BLTP1: variants seen among roughly 807,000 people sequenced by gnomAD.
BLTP1 encodes fragile site-associated protein.
the BLTP1 span, chr4:122,308,063 G>C: frequency 6.2e-7 from 1 of 1,613,440 alleles, no homozygotes; most frequent in Non-Finnish European, 8.5e-7. Context: ...ATGCTACCTG[G>C]TATCCAGCAA....
the BLTP1 span, chr4:122,346,987 C>A: frequency 1.3e-6 from 1 of 762,138 alleles, no homozygotes; most frequent in Non-Finnish European, 1.6e-6. Context: ...AGATTACATT[C>A]TGGCTGAATA....
chr4:122,210,778 A>T, the BLTP1 span: 1 of 1,401,072 alleles, frequency 7.1e-7, no homozygotes, highest in South Asian at 1.5e-5. Context: ...AGTTGATGTC[A>T]TATTTGCAAA....
At chr4:122,281,378 C>A in the BLTP1 span, 1 of 980,998 alleles carries the variant, frequency 1.0e-6, no homozygotes, top group African/African-American at 1.8e-5. Context: ...CATTGTTCAA[C>A]AGGTGTTTTA....
the BLTP1 span, among the ~76,000 whole-genome samples, chr4:122,358,462 C>T: frequency 7.6e-4 from 115 of 152,188 alleles, no homozygotes; most frequent in Non-Finnish European, 1.5e-3. Flanking sequence ...TAAGTTATTA[C>T]AAACAACAAG....
the BLTP1 span, among the ~76,000 whole-genome samples, chr4:122,323,405 T>C: frequency 3.9e-5 from 6 of 151,984 alleles, no homozygotes; most frequent in African/African-American, 1.2e-4. Context: ...AAAAAGTAAT[T>C]GGTTTTAAAA....
the BLTP1 span, chr4:122,234,893 T>C: frequency 2.0e-5 from 33 of 1,613,824 alleles, no homozygotes; most frequent in Middle Eastern, 1.6e-4. Flanking sequence ...TCTTCAAACT[T>C]GAAGAGTTGA....
At chr4:122,214,616 C>CTTTTTTTTT in the BLTP1 span, 2 of 77,720 alleles carry the variant, frequency 2.6e-5, 1 homozygote, top group Non-Finnish European at 3.8e-5. Flanking sequence ...TCAGTAAATT[C>CTTTTTTTTT]TTTTTTTTTT....
chr4:122,168,214 G>A, the BLTP1 span, among the ~76,000 whole-genome samples: 2,467 of 152,162 alleles, frequency 0.016, 43 homozygotes, highest in Middle Eastern at 0.024. Context: ...TGATACTGTA[G>A]GGTTTCTGTC....
chr4:122,184,318 A>G, the BLTP1 span, among the ~76,000 whole-genome samples: 728 of 152,306 alleles, frequency 4.8e-3, 2 homozygotes, highest in African/African-American at 0.017. Flanking sequence ...ATTATTTTTT[A>G]GATAGTTGAT....
At chr4:122,239,394 G>C in the BLTP1 span, 3 of 849,468 alleles carry the variant, frequency 3.5e-6, no homozygotes, top group Admixed American at 3.1e-5. Context: ...TAAAATTGTA[G>C]ATTTTCTTTT....
chr4:122,197,719 G>A, the BLTP1 span, among the ~76,000 whole-genome samples: 1 of 152,054 alleles, frequency 6.6e-6, no homozygotes, highest in Non-Finnish European at 1.5e-5. Context: ...AGCCGGGTGG[G>A]TACTTTGAGT....
At chr4:122,228,209 G>T in the BLTP1 span, among the ~76,000 whole-genome samples, 1 of 151,972 alleles carries the variant, frequency 6.6e-6, no homozygotes, top group Non-Finnish European at 1.5e-5. Flanking sequence ...CACTGTGCCC[G>T]GCTCTTAAAT....
the BLTP1 span, among the ~76,000 whole-genome samples, chr4:122,181,740 A>G: frequency 7.9e-5 from 12 of 151,904 alleles, no homozygotes; most frequent in African/African-American, 1.2e-4. Context: ...TTCCTGCATT[A>G]CTATTTGACA....
the BLTP1 span, chr4:122,235,098 G>A: frequency 7.9e-7 from 1 of 1,270,274 alleles, no homozygotes; most frequent in Non-Finnish European, 1.1e-6. Context: ...GAAATTCAGT[G>A]TTAACTCTGT....
chr4:122,188,915 G>A, the BLTP1 span: 2 of 984,728 alleles, frequency 2.0e-6, no homozygotes, highest in Middle Eastern at 5.2e-4. Flanking sequence ...GATTTTCCAG[G>A]ATTTGGCTAG....
At chr4:122,334,316 T>G in the BLTP1 span, 1 of 1,466,906 alleles carries the variant, frequency 6.8e-7, no homozygotes, top group South Asian at 1.2e-5. Flanking sequence ...ATAATTTTAA[T>G]TTTAAAAGTT....
At chr4:122,164,485 G>T in the BLTP1 span, 1 of 876,088 alleles carries the variant, frequency 1.1e-6, no homozygotes, top group Non-Finnish European at 1.4e-6. Flanking sequence ...TCTTTGGCAG[G>T]AATATCACAG....
At chr4:122,185,928 C>A in the BLTP1 span, 1 of 885,360 alleles carries the variant, frequency 1.1e-6, no homozygotes, top group East Asian at 3.0e-5. Context: ...TCATGGAATT[C>A]TATTTTAAAA....
the BLTP1 span, chr4:122,212,087 A>G: frequency 3.0e-6 from 3 of 984,262 alleles, no homozygotes; most frequent in Non-Finnish European, 3.6e-6. Flanking sequence ...AGGGACTAGG[A>G]TGTTTAGGGT....
Sources: gnomAD v4.1 joint callset for allele counts (sites outside exome capture counted in the v4.1 genomes callset) on GRCh38, gnomAD v4.1.1 for gene constraint, MANE v1.5 for transcripts, NCBI Gene and HGNC (gene_info 2026-07-23, HGNC 2026-07-21) for gene names.